Variants in CADPS2 observed in about 807,000 individuals in gnomAD.
CADPS2 encodes calcium dependent secretion activator 2, also known as calcium-dependent secretion activator 2.
A neutral mutation model predicts 172.5 loss-of-function variants in CADPS2; 93 were observed. The ratio of observed to expected loss-of-function variants is 0.54; its 90% CI spans 0.46 to 0.64. The LOEUF is 0.64. CADPS2 is among the 30% of genes least tolerant of loss of function. The pLI, the probability that CADPS2 is intolerant of heterozygous loss-of-function variation, is 0.00. For synonymous variants in CADPS2, 546 were observed against 555.2 expected (o/e 0.98, Z 0.23); for missense variants, 1,420 against 1,565.9 (o/e 0.91, Z 1.57).
chr7:122,854,349 T>C (rs912277000), intron 1 of CADPS2, among the ~76,000 whole-genome samples: 22 of 152,032 alleles, frequency 1.4e-4, no homozygotes, highest in Non-Finnish European at 3.1e-4. Context: ...CCAGCCTGGG[T>C]GACACAGTGA....
intron 28 of CADPS2, among the ~76,000 whole-genome samples, chr7:122,343,076 T>C (rs2037025314): frequency 3.3e-5 from 5 of 152,180 alleles, no homozygotes; most frequent in Admixed American, 2.6e-4. Context: ...TTTCTAACTG[T>C]AATTGAGGCA....
intron 6 of CADPS2, among the ~76,000 whole-genome samples, chr7:122,602,591 G>T (rs10281844): frequency 1.3e-5 from 2 of 151,708 alleles, no homozygotes; most frequent in Non-Finnish European, 2.9e-5. Context: ...GGCAGAGAAA[G>T]ATCAGGGAGG....
At chr7:122,734,572 A>T (rs925473489) in intron 2 of CADPS2, among the ~76,000 whole-genome samples, 73 of 151,804 alleles carry the variant, frequency 4.8e-4, no homozygotes, top group African/African-American at 1.7e-3. Context: ...CTGGTAAACT[A>T]TAAAAATTAC....
intron 1 of CADPS2, among the ~76,000 whole-genome samples, chr7:122,822,488 C>T (rs76543630): frequency 0.016 from 2,417 of 151,544 alleles, 65 homozygotes; most frequent in African/African-American, 0.055. Context: ...CAAAAATTTT[C>T]GCCACCCCAA....
At chr7:122,434,664 C>A (rs116529348) in intron 17 of CADPS2, among the ~76,000 whole-genome samples, 2 of 151,840 alleles carry the variant, frequency 1.3e-5, no homozygotes, top group African/African-American at 4.8e-5. Flanking sequence ...AACAGGCACA[C>A]GTAGTTAAAT....
chr7:122,862,500 CCT>C (rs374045153), intron 1 of CADPS2, among the ~76,000 whole-genome samples: 1 of 151,984 alleles, frequency 6.6e-6, no homozygotes, highest in Non-Finnish European at 1.5e-5. Flanking sequence ...CATCAGAAGG[CCT>C]CTCTCTCTCA....
At chr7:122,546,316 C>T (rs2063610754) in intron 8 of CADPS2, among the ~76,000 whole-genome samples, 1 of 152,128 alleles carries the variant, frequency 6.6e-6, no homozygotes. Flanking sequence ...AACAACGCCC[C>T]ATTCAAGTAA....
intron 15 of CADPS2, among the ~76,000 whole-genome samples, chr7:122,445,904 T>C (rs895604037): frequency 1.3e-5 from 2 of 152,218 alleles, no homozygotes; most frequent in Non-Finnish European, 2.9e-5. Context: ...CAGATAATCA[T>C]GTTACTTGCA....
At chr7:122,360,671 A>G in intron 27 of CADPS2, 117 bp downstream of exon 27, 4 of 880,506 alleles carry the variant, frequency 4.5e-6, no homozygotes, top group Non-Finnish European at 6.9e-6. Flanking sequence ...TAAGGAAAAT[A>G]AACTACTCCC....
intron 2 of CADPS2, among the ~76,000 whole-genome samples, chr7:122,704,537 AT>A (rs76233656): frequency 1.3e-5 from 2 of 151,940 alleles, no homozygotes; most frequent in South Asian, 4.1e-4. Context: ...TATTTTGCAG[AT>A]TTTTTGTGGG....
At chr7:122,814,153 C>T (rs183096565) in intron 1 of CADPS2, among the ~76,000 whole-genome samples, 358 of 151,322 alleles carry the variant, frequency 2.4e-3, no homozygotes, top group Non-Finnish European at 3.5e-3. Flanking sequence ...TATTCTGGTT[C>T]CTATATGATA....
chr7:122,671,537 C>A (rs1227743430), intron 2 of CADPS2, among the ~76,000 whole-genome samples: 2 of 152,012 alleles, frequency 1.3e-5, no homozygotes, highest in African/African-American at 4.8e-5. Context: ...TGCACTCCAG[C>A]CTGGGTGACA....
intron 7 of CADPS2, among the ~76,000 whole-genome samples, chr7:122,558,201 GT>G (rs200836860): frequency 4.0e-5 from 6 of 151,028 alleles, no homozygotes; most frequent in Non-Finnish European, 5.9e-5. Context: ...ATGAAGAATT[GT>G]TTTTTTTTAT....
rs2075619423 is a variant in CADPS2 at position 122,621,674 on chromosome 7, A to G, written c.911T>C (p.Met304Thr). The change falls in exon 5 of 30, where the codon ATG becomes ACG. Residue 304 changes from methionine to threonine, a missense_variant. By Grantham distance (81) the Met-to-Thr change is moderately conservative. Transcript: ENST00000449022. ...TGAAGACCGCAACTCTTCTATATACATATTCTCCATATCTTTTGCTATAAA... is the reference window on the plus strand; with the variant it reads ...TGAAGACCGCAACTCTTCTATATACGTATTCTCCATATCTTTTGCTATAAA... The part of the protein sequence containing the change: ...PKFIAKDMEN[M>T]YIEELRSSVN... 2 of 1,609,362 alleles carry G rather than the reference A, an allele frequency of 1.2e-6. No individual in the cohort carries two copies. Among genetic ancestry groups the G allele is most frequent in the Non-Finnish European group, 1.7e-6 (2 of 1,178,102 alleles).
intron 20 of CADPS2, among the ~76,000 whole-genome samples, chr7:122,397,212 C>G (rs1176661798): frequency 1.3e-5 from 2 of 151,986 alleles, no homozygotes; most frequent in African/African-American, 4.8e-5. Flanking sequence ...TTATATCCTG[C>G]AGAATTTAAA....
At chr7:122,546,577 G>C (rs1218911601) in intron 8 of CADPS2, among the ~76,000 whole-genome samples, 3 of 151,696 alleles carry the variant, frequency 2.0e-5, no homozygotes, top group African/African-American at 4.8e-5. Context: ...CCTTTTTTCA[G>C]GGACTTTCAA....
chr7:122,359,359 C>A (rs1375701052), intron 27 of CADPS2, among the ~76,000 whole-genome samples: 1 of 151,986 alleles, frequency 6.6e-6, no homozygotes, highest in Non-Finnish European at 1.5e-5. Context: ...AATTAAACAG[C>A]ACCCAAGTGA....
chr7:122,593,278 T>C (rs1486775443), intron 6 of CADPS2, among the ~76,000 whole-genome samples: 1 of 152,036 alleles, frequency 6.6e-6, no homozygotes, highest in East Asian at 1.9e-4. Flanking sequence ...TACAAATTTA[T>C]TCTACATAGT....
chr7:122,753,642 A>G (rs2093038461), intron 1 of CADPS2, among the ~76,000 whole-genome samples: 3 of 152,228 alleles, frequency 2.0e-5, no homozygotes, highest in Admixed American at 2.0e-4. Context: ...TACAGTTATG[A>G]TTGAAGAAAG....
Sources: allele counts gnomAD v4.1 joint callset (sites outside exome capture counted in the v4.1 genomes callset), GRCh38; gene constraint gnomAD v4.1.1; transcripts MANE v1.5; gene names NCBI Gene and HGNC (gene_info 2026-07-23, HGNC 2026-07-21).